The following CYTH1 variants were observed in gnomAD, a reference collection of about 807,000 sequenced individuals.
CYTH1 encodes the protein cytohesin 1.
CYTH1 carries 18 observed loss-of-function variants against 61.8 expected under a neutral mutation model. The observed-to-expected ratio is 0.29, with a 90% CI of 0.20 to 0.43. The LOEUF (loss-of-function observed/expected upper bound fraction) is 0.43. CYTH1 is among the 20% of genes least tolerant of loss of function. The pLI, the probability that CYTH1 is intolerant of heterozygous loss-of-function variation, is 1.00. For synonymous variants in CYTH1, 174 were observed against 184.3 expected (o/e 0.94, Z 0.45); for missense variants, 336 against 510.5 (o/e 0.66, Z 3.29).
chr17:78,773,452 A>T (rs1224466217), intron 1 of CYTH1, among the ~76,000 whole-genome samples: 1 of 152,142 alleles, frequency 6.6e-6, no homozygotes, highest in African/African-American at 2.4e-5. Context: ...CAACATGGTG[A>T]AACCCCATCT....
chr17:78,708,809 G>A (rs2093096546), intron 2 of CYTH1: 1 of 154,046 alleles, frequency 6.5e-6, no homozygotes, highest in African/African-American at 2.4e-5. Context: ...CGGGGAAGTG[G>A]GGCTTAAGTG....
intron 11 of CYTH1, among the ~76,000 whole-genome samples, chr17:78,682,261 C>T (rs1388119195): frequency 6.6e-6 from 1 of 152,082 alleles, no homozygotes; most frequent in African/African-American, 2.4e-5. Flanking sequence ...TGGGTTGTTC[C>T]TTTGATTTAT....
In CYTH1 at chr17:78,681,050, A is replaced by C. The variant is rs1411246570; in HGVS notation, c.892-8T>G. ...TCCACGGGGCTCCTTATCCTACAGA[A>C]CAGTTGAAGAGAGGAAGTTTAAGAT... is the stretch of plus-strand genomic sequence containing the variant. On this transcript the variant is annotated splice_region_variant and splice_polypyrimidine_tract_variant and intron_variant, in intron 11 of 13. Transcript: ENST00000446868. 1 of 1,612,990 alleles carries C rather than the reference A, an allele frequency of 6.2e-7. No homozygotes were observed. Among genetic ancestry groups the C allele is most frequent in the East Asian group, 2.2e-5 (1 of 44,870 alleles).
intron 1 of CYTH1, among the ~76,000 whole-genome samples, chr17:78,712,704 T>C (rs1386455794): frequency 6.6e-6 from 1 of 151,936 alleles, no homozygotes; most frequent in Non-Finnish European, 1.5e-5. Flanking sequence ...AATTATTTCA[T>C]AATCAATTAG....
At position 78,675,766 on chromosome 17, in the gene CYTH1, G is replaced by A. The variant is rs2143928894; in HGVS notation, c.*325C>T. On this transcript the variant is annotated 3_prime_UTR_variant, in exon 14 of 14. Transcript: ENST00000446868. ...GGCTTCTTCACGGGGACAACCAAGAGGTAAACAGTTGGCTCTGAGCTCTGC... is the reference window on the plus strand; with the variant it reads ...GGCTTCTTCACGGGGACAACCAAGAAGTAAACAGTTGGCTCTGAGCTCTGC... The A allele has an allele frequency of 7.5e-6, 7 of 935,798 alleles. No individual in the cohort carries two copies. The highest frequency in any genetic ancestry group is 2.2e-5 in the South Asian group (1 of 45,870). 58.0% of individuals were successfully genotyped at this position (935,798 alleles called of 1,614,324 possible). A position where few individuals can be genotyped will look rare whatever the true frequency, so the allele number is the denominator to read the frequency against.
At chr17:78,733,076 CAAAAAAAAAAAAA>C (rs56020680) in intron 1 of CYTH1, among the ~76,000 whole-genome samples, 8 of 47,692 alleles carry the variant, frequency 1.7e-4, no homozygotes, top group East Asian at 9.3e-4. Flanking sequence ...GACTCCATCT[CAAAAAAAAAAAAA>C]AAAAAAAAAA....
rs988363389 is a variant in CYTH1, at chr17:78,699,062, C to G, written c.551-94G>C. 2.7e-6 allele frequency: 4 copies of G among 1,476,960 alleles called. No homozygotes were observed. The African/African-American group carries it at 4.3e-5, about 16-fold the overall frequency. The allele number at this position is 1,476,960 out of a possible 1,614,324, so 91.5% of individuals were successfully genotyped here. ...GAGCAAGAGTGGTATCAGATGAAAT[C>G]AGGAATAAAAAACCATGTTCTCGGC... is the stretch of plus-strand genomic sequence containing the variant. On this transcript the variant is annotated intron_variant, in intron 7 of 13. Transcript: ENST00000446868.
intron 1 of CYTH1, among the ~76,000 whole-genome samples, chr17:78,753,028 T>C (rs2093386528): frequency 6.6e-6 from 1 of 152,172 alleles, no homozygotes; most frequent in South Asian, 2.1e-4. Flanking sequence ...AGGTTTACTC[T>C]TCCTTTTCCC....
Position 78,700,368 on chromosome 17 carries a change from T to A in CYTH1, c.513A>T (p.Arg171=), listed in dbSNP as rs752201159. 1.4e-5 allele frequency: 23 copies of A among 1,613,520 alleles called. No homozygotes were observed. Among genetic ancestry groups the A allele is most frequent in the Non-Finnish European group, 1.9e-5 (22 of 1,179,710 alleles). Residue 171 remains arginine (R), a synonymous_variant, in exon 7 of 14, where the codon CGA becomes CGT. Transcript: ENST00000446868. This position sits in a 1 kb window ranked among gnomAD's most constrained non-coding sequence, Gnocchi z 5.1. ...IDRMMEAFAQ[R]YCQCNNGVFQ... ...ACACGCCATTATTGCACTGACAATA[T>A]CGCTGGGCAAACGCCTCCATCATCC...
At chr17:78,702,452 T>G in intron 4 of CYTH1, 86 bp downstream of exon 4, 4 of 1,447,610 alleles carry the variant, frequency 2.8e-6, no homozygotes, top group Non-Finnish European at 3.8e-6. Flanking sequence ...CTGTAACGCT[T>G]GGAAAAAAAC....
intron 2 of CYTH1, chr17:78,709,125 G>C (rs1383533190): frequency 6.5e-6 from 1 of 153,000 alleles, no homozygotes; most frequent in Non-Finnish European, 1.5e-5. Context: ...CTATCACTAA[G>C]TACATCTATA....
At chr17:78,699,597 T>C (rs1407464038) in intron 7 of CYTH1, among the ~76,000 whole-genome samples, 2 of 152,226 alleles carry the variant, frequency 1.3e-5, no homozygotes, top group African/African-American at 2.4e-5. Flanking sequence ...ATAATCCCAC[T>C]ATCTAGCAAT....
At chr17:78,705,858 T>A (rs1252163179) in intron 3 of CYTH1, among the ~76,000 whole-genome samples, 5 of 152,166 alleles carry the variant, frequency 3.3e-5, no homozygotes, top group Non-Finnish European at 1.5e-5. Context: ...TTGGATGCAC[T>A]CACGTTCCTG....
At chr17:78,727,040 G>A (rs1215338807) in intron 1 of CYTH1, among the ~76,000 whole-genome samples, 7 of 152,334 alleles carry the variant, frequency 4.6e-5, no homozygotes, top group East Asian at 3.9e-4. Context: ...TCTGACAAGC[G>A]TGCAAGGGCA....
rs762778818 is a variant in CYTH1 at position 78,681,057 on chromosome 17, A to AC, written c.892-16_892-15insG. ...GGCTCCTTATCCTACAGAACAGTTG[A>AC]AGAGAGGAAGTTTAAGATCACAGTT... is the stretch of plus-strand genomic sequence containing the variant. On this transcript the variant is annotated splice_polypyrimidine_tract_variant and intron_variant, in intron 11 of 13. Coordinates refer to ENST00000446868, the MANE Select transcript of CYTH1 (RefSeq NM_004762.6). 1.4e-5 allele frequency: 23 copies of AC among 1,611,160 alleles called. No individual in the cohort carries two copies. Among genetic ancestry groups the AC allele is most frequent in the Non-Finnish European group, 2.0e-5 (23 of 1,179,134 alleles).
chr17:78,728,352 C>A (rs2093277056), intron 1 of CYTH1, among the ~76,000 whole-genome samples: 1 of 152,088 alleles, frequency 6.6e-6, no homozygotes, highest in African/African-American at 2.4e-5. Flanking sequence ...TTGAGACCAG[C>A]CTGACCAACA....
chr17:78,764,750 T>A (rs1238631809), intron 1 of CYTH1, among the ~76,000 whole-genome samples: 1 of 152,134 alleles, frequency 6.6e-6, no homozygotes, highest in Non-Finnish European at 1.5e-5. Context: ...AGCATGGATT[T>A]AATGATTCAG....
At chr17:78,693,789 C>G (rs1246087192) in intron 10 of CYTH1, among the ~76,000 whole-genome samples, 4 of 152,166 alleles carry the variant, frequency 2.6e-5, no homozygotes, top group African/African-American at 4.8e-5. Context: ...TCTCTCCCAT[C>G]AAGGGAACAT....
intron 1 of CYTH1, among the ~76,000 whole-genome samples, chr17:78,725,200 C>T (rs1464583519): frequency 1.3e-5 from 2 of 152,156 alleles, no homozygotes; most frequent in Non-Finnish European, 2.9e-5. Context: ...ATCCGCCATC[C>T]GTCGAGTCTT....
Sources: gnomAD v4.1 joint callset for allele counts (sites outside exome capture counted in the v4.1 genomes callset) on GRCh38, gnomAD v4.1.1 for gene constraint, Gnocchi (gnomAD v3.1) non-coding constraint, MANE v1.5 for transcripts, NCBI Gene and HGNC (gene_info 2026-07-23, HGNC 2026-07-21) for gene names.